The following SEMA3D variants were observed in gnomAD, a reference collection of about 807,000 sequenced individuals.
The protein encoded by SEMA3D is semaphorin 3D, also known as semaphorin-3D.
A neutral mutation model predicts 100.1 loss-of-function variants in SEMA3D; 84 were observed. The ratio of observed to expected loss-of-function variants is 0.84; its 90% CI spans 0.70 to 1.01. The LOEUF is 1.01. Among genes scored for constraint, SEMA3D ranks in the 50% least tolerant of loss-of-function variants. The pLI is 0.00. For missense variants in SEMA3D, 875 were observed against 934.1 expected (o/e 0.94, Z 0.82); for synonymous variants, 312 against 320.7 (o/e 0.97, Z 0.29).
At chr7:85,169,136 G>C (rs1448401589) in intron 1 of SEMA3D, among the ~76,000 whole-genome samples, 1 of 151,470 alleles carries the variant, frequency 6.6e-6, no homozygotes, top group Admixed American at 6.6e-5. Flanking sequence ...TTAATTAGAA[G>C]GATTTTCAAA....
chr7:85,235,516 G>A, the SEMA3D span, among the ~76,000 whole-genome samples: 7 of 152,082 alleles, frequency 4.6e-5, no homozygotes, highest in Non-Finnish European at 7.4e-5. Flanking sequence ...GAAAAGGAAG[G>A]TAATGTTTAA....
chr7:85,126,278 T>C (rs1789561697), intron 2 of SEMA3D, among the ~76,000 whole-genome samples: 1 of 151,974 alleles, frequency 6.6e-6, no homozygotes, highest in South Asian at 2.1e-4. Context: ...CAGGTACTAT[T>C]AATGTGAAAA....
At chr7:85,147,003 G>GTATACCACA (rs1260570368) in intron 2 of SEMA3D, among the ~76,000 whole-genome samples, 1 of 151,088 alleles carries the variant, frequency 6.6e-6, no homozygotes, top group East Asian at 1.9e-4. Context: ...TCATCTTTCC[G>GTATACCACA]TATACCACAG....
intron 2 of SEMA3D, among the ~76,000 whole-genome samples, chr7:85,126,470 T>C (rs960613161): frequency 1.1e-4 from 17 of 151,298 alleles, no homozygotes; most frequent in Non-Finnish European, 2.4e-4. Context: ...GAACCCCTGA[T>C]TTTTTAATTT....
chr7:85,003,790 T>C (rs1789719952), intron 18 of SEMA3D, among the ~76,000 whole-genome samples: 1 of 151,992 alleles, frequency 6.6e-6, no homozygotes, highest in African/African-American at 2.4e-5. Context: ...TTCAAAGAAG[T>C]AGATATTAAT....
At chr7:85,075,432 A>AAC (rs978865242) in intron 5 of SEMA3D, among the ~76,000 whole-genome samples, 203 of 151,898 alleles carry the variant, frequency 1.3e-3, no homozygotes, top group Non-Finnish European at 2.6e-3. Flanking sequence ...ATTAAAAAAA[A>AAC]AAAAAACCTC....
intron 2 of SEMA3D, among the ~76,000 whole-genome samples, chr7:85,138,628 AT>A (rs1789935499): frequency 7.1e-6 from 1 of 140,918 alleles, no homozygotes; most frequent in African/African-American, 2.7e-5. Flanking sequence ...TTTATAATAT[AT>A]AAATTAAATT....
the SEMA3D span, among the ~76,000 whole-genome samples, chr7:85,228,402 G>A: frequency 1.2e-3 from 180 of 152,088 alleles, no homozygotes; most frequent in Admixed American, 6.1e-3. Flanking sequence ...TTCACTAAGC[G>A]GTATGGTATG....
chr7:85,188,090 A>T (rs142232424), upstream of SEMA3D, among the ~76,000 whole-genome samples: 239 of 152,332 alleles, frequency 1.6e-3, no homozygotes, highest in African/African-American at 5.3e-3. Flanking sequence ...AGATATCTTG[A>T]TTTGGAGATG....
At chr7:85,210,111 C>G in the SEMA3D span, among the ~76,000 whole-genome samples, 7 of 152,198 alleles carry the variant, frequency 4.6e-5, no homozygotes, top group East Asian at 1.4e-3. Context: ...AGGCTCTAAA[C>G]AACACCCATG....
intron 12 of SEMA3D, chr7:85,028,937 T>C (rs1179110600): frequency 3.6e-6 from 1 of 276,000 alleles, no homozygotes; most frequent in African/African-American, 2.3e-5. Context: ...AAGCTGTTGC[T>C]TATGATGCAG....
chr7:85,022,329 C>G, intron 13 of SEMA3D, 62 bp downstream of exon 13: 1 of 1,111,870 alleles, frequency 9.0e-7, no homozygotes, highest in Middle Eastern at 2.2e-4. Flanking sequence ...TGAAGTTGTT[C>G]TTCTCTTTGT....
chr7:85,019,057 TTTG>T (rs1311060517), intron 14 of SEMA3D, among the ~76,000 whole-genome samples: 6 of 151,772 alleles, frequency 4.0e-5, no homozygotes, highest in African/African-American at 1.2e-4. Flanking sequence ...AAATAGCATT[TTTG>T]TTATCAATTT....
intron 1 of SEMA3D, among the ~76,000 whole-genome samples, chr7:85,162,649 G>A (rs574264103): frequency 2.3e-4 from 35 of 152,124 alleles, no homozygotes; most frequent in Non-Finnish European, 4.0e-4. Flanking sequence ...GCAGTAAGTG[G>A]AAGGAAGAAC....
the SEMA3D span, among the ~76,000 whole-genome samples, chr7:85,224,111 A>C: frequency 6.6e-6 from 1 of 152,156 alleles, no homozygotes; most frequent in Non-Finnish European, 1.5e-5. Context: ...TCTTGATAAC[A>C]CTTTATAAAG....
chr7:85,157,558 C>T, intron 1 of SEMA3D: 1 of 507,560 alleles, frequency 2.0e-6, no homozygotes, highest in East Asian at 1.5e-4. Flanking sequence ...CTTTTCGCAC[C>T]ATGTCCCAAT....
At chr7:85,113,374 A>T (rs1485055982) in intron 3 of SEMA3D, among the ~76,000 whole-genome samples, 1 of 152,104 alleles carries the variant, frequency 6.6e-6, no homozygotes, top group Non-Finnish European at 1.5e-5. Context: ...TCAAACAACC[A>T]AGCTCCTATG....
the SEMA3D span, among the ~76,000 whole-genome samples, chr7:85,215,654 T>C: frequency 4.6e-5 from 7 of 152,116 alleles, no homozygotes; most frequent in Non-Finnish European, 8.8e-5. Context: ...ATAACTACTA[T>C]AACAGAAATT....
At chr7:85,226,699 T>C in the SEMA3D span, among the ~76,000 whole-genome samples, 1 of 152,084 alleles carries the variant, frequency 6.6e-6, no homozygotes, top group African/African-American at 2.4e-5. Context: ...TTTTTGTTAG[T>C]CTTCATATAT....
Sources: allele counts gnomAD v4.1 joint callset (sites outside exome capture counted in the v4.1 genomes callset), GRCh38; gene constraint gnomAD v4.1.1; transcripts MANE v1.5; gene names NCBI Gene and HGNC (gene_info 2026-07-23, HGNC 2026-07-21).